SHISA6: variants seen among roughly 807,000 people sequenced by gnomAD.
SHISA6 encodes the protein protein shisa-6.
SHISA6 carries 22 observed loss-of-function variants against 47.9 expected under a neutral mutation model. The observed-to-expected ratio is 0.46, with a 90% confidence interval of 0.33 to 0.66. SHISA6 has a LOEUF of 0.66. Ranked by LOEUF, SHISA6 falls within the 30% of genes least tolerant of loss-of-function variation. The probability of loss-of-function intolerance (pLI) is 0.02; values close to 1 mark genes in which losing one functional copy is unlikely to be tolerated. For synonymous variants in SHISA6, 388 were observed against 337.8 expected (o/e 1.15, Z -1.63); for missense variants, 680 against 764.6 (o/e 0.89, Z 1.30).
rs557195651 is a variant in SHISA6, at chr17:11,330,142, C to T, written c.800-49272C>T. Among the ~76,000 whole-genome samples the T allele has an allele frequency of 1.8e-3, 276 of 152,206 alleles. 1 individual carries two copies. The highest frequency in any genetic ancestry group is 3.4e-3 in the Middle Eastern group (1 of 294). ...TTTCCTTATATTTCTAGCAAATGTT[C>T]CTGGGTTCTGGTTGACCTGTCTTGG... On this transcript the variant is annotated intron_variant, in intron 2 of 5. Coordinates refer to ENST00000441885, the MANE Select transcript of SHISA6 (RefSeq NM_207386.4).
In SHISA6 at chr17:11,434,404, C is replaced by A. The variant is rs138946658; in HGVS notation, c.895+54895C>A. ...ATCACCTGGGTTAAATATTTTTCCTCCCTAATTTTCTCACAAATCTGTGTT... is the reference window on the plus strand; with the variant it reads ...ATCACCTGGGTTAAATATTTTTCCTACCTAATTTTCTCACAAATCTGTGTT... On this transcript the variant is annotated intron_variant, in intron 3 of 5. Transcript: ENST00000441885. Among the ~76,000 whole-genome samples, 676 of 152,280 alleles carry A rather than the reference C, an allele frequency of 4.4e-3. 8 individuals are homozygous for A. Among genetic ancestry groups the A allele is most frequent in the African/African-American group, 0.016 (645 of 41,564 alleles).
At chr17:11,513,178 T>C (rs917632668) in intron 3 of SHISA6, among the ~76,000 whole-genome samples, 1 of 140,054 alleles carries the variant, frequency 7.1e-6, no homozygotes, top group South Asian at 2.3e-4. Context: ...TTTATATATG[T>C]TTATTACACA....
chr17:11,534,365 C>T (rs1300421456), intron 3 of SHISA6, among the ~76,000 whole-genome samples: 2 of 151,974 alleles, frequency 1.3e-5, no homozygotes, highest in African/African-American at 2.4e-5. Flanking sequence ...GAGCAAGTTG[C>T]ACTGTGTCAG....
At chr17:11,475,387 TATC>T (rs1916027122) in intron 3 of SHISA6, among the ~76,000 whole-genome samples, 1 of 152,150 alleles carries the variant, frequency 6.6e-6, no homozygotes. Flanking sequence ...TTAAGTTTCT[TATC>T]ATTGAATGTG....
intron 2 of SHISA6, among the ~76,000 whole-genome samples, chr17:11,324,069 A>G (rs975475799): frequency 3.3e-5 from 5 of 152,136 alleles, no homozygotes; most frequent in Non-Finnish European, 5.9e-5. Flanking sequence ...TATTTCACGG[A>G]AGTGACAACC....
chr17:11,352,807 G>C (rs1911933372), intron 2 of SHISA6, among the ~76,000 whole-genome samples: 1 of 152,232 alleles, frequency 6.6e-6, no homozygotes, highest in East Asian at 1.9e-4. Context: ...AAACAGAATG[G>C]CCCCCCTTTT....
chr17:11,489,334 A>C (rs1422785756), intron 3 of SHISA6, among the ~76,000 whole-genome samples: 1 of 151,754 alleles, frequency 6.6e-6, no homozygotes, highest in African/African-American at 2.4e-5. Flanking sequence ...ATTTTTTGCA[A>C]ATCTCCCAAT....
chr17:11,305,113 T>C (rs113282284), intron 2 of SHISA6, among the ~76,000 whole-genome samples: 91 of 152,302 alleles, frequency 6.0e-4, no homozygotes, highest in African/African-American at 2.2e-3. Flanking sequence ...CACCTGCTGG[T>C]GGTGTGCCCT....
rs570626981 is a variant in SHISA6, at chr17:11,450,413, T to C, written c.895+70904T>C. Among the ~76,000 whole-genome samples the C allele has an allele frequency of 4.6e-4, 70 of 152,018 alleles. 1 individual carries two copies. In the South Asian group the frequency reaches 6.0e-3, roughly 13 times the overall value. On this transcript the variant is annotated intron_variant, in intron 3 of 5. Transcript: ENST00000441885. ...GGCTCACGCCTGTAATCCGGGCACT[T>C]TGGGAGGCCGAGGTGGGCGGATCAC...
At chr17:11,397,896 C>A (rs945027451) in intron 3 of SHISA6, among the ~76,000 whole-genome samples, 3 of 152,118 alleles carry the variant, frequency 2.0e-5, no homozygotes, top group African/African-American at 7.2e-5. Context: ...AGAGCCCCCC[C>A]TTAGGCATCT....
At chr17:11,358,812 C>T (rs771940168) in intron 2 of SHISA6, among the ~76,000 whole-genome samples, 1 of 151,934 alleles carries the variant, frequency 6.6e-6, no homozygotes, top group African/African-American at 2.4e-5. Flanking sequence ...GCTGGGACTA[C>T]AGATGCCTGG....
intron 3 of SHISA6, among the ~76,000 whole-genome samples, chr17:11,442,690 G>A (rs958156471): frequency 2.6e-5 from 4 of 152,166 alleles, no homozygotes; most frequent in Non-Finnish European, 5.9e-5. Context: ...AGATTCCAGT[G>A]ATCTAAGTTT....
intron 2 of SHISA6, among the ~76,000 whole-genome samples, chr17:11,316,421 T>TC (rs1910524221): frequency 3.1e-5 from 1 of 32,662 alleles, no homozygotes; most frequent in African/African-American, 1.5e-4. Flanking sequence ...CTCTCTCTCT[T>TC]TTTTTTTTTT....
At chr17:11,283,750 C>G (rs188753452) in intron 2 of SHISA6, among the ~76,000 whole-genome samples, 1 of 152,250 alleles carries the variant, frequency 6.6e-6, no homozygotes, top group Non-Finnish European at 1.5e-5. Flanking sequence ...AAGTAAGGTG[C>G]AGTTTTGGAT....
chr17:11,408,936 T>C (rs971710996), intron 3 of SHISA6, among the ~76,000 whole-genome samples: 3 of 151,950 alleles, frequency 2.0e-5, no homozygotes, highest in African/African-American at 7.3e-5. Context: ...GGAGCTTTGG[T>C]CAAATTCAAA....
chr17:11,413,036 A>G (rs1362906343), intron 3 of SHISA6, among the ~76,000 whole-genome samples: 1 of 151,850 alleles, frequency 6.6e-6, no homozygotes, highest in African/African-American at 2.4e-5. Context: ...TGACTTTGCT[A>G]CTCCTCACAC....
intron 3 of SHISA6, among the ~76,000 whole-genome samples, chr17:11,424,752 C>T (rs1036834909): frequency 6.6e-6 from 1 of 151,586 alleles, no homozygotes; most frequent in Non-Finnish European, 1.5e-5. Context: ...GCCTGTAATC[C>T]CAGCACTTTG....
chr17:11,248,719 CTAAGCATAATCCTTTTA>C (rs1567698772), intron 1 of SHISA6, among the ~76,000 whole-genome samples: 1 of 152,164 alleles, frequency 6.6e-6, no homozygotes, highest in African/African-American at 2.4e-5. Context: ...ATAACCTAAT[CTAAGCATAATCCTTTTA>C]TAAGGTCTGA....
intron 5 of SHISA6, among the ~76,000 whole-genome samples, chr17:11,556,689 C>T (rs1190317095): frequency 6.6e-6 from 1 of 152,150 alleles, no homozygotes; most frequent in Non-Finnish European, 1.5e-5. Flanking sequence ...GAGTCTCTAG[C>T]TAGAGACGGG....
Sources: allele counts gnomAD v4.1 joint callset (sites outside exome capture counted in the v4.1 genomes callset), GRCh38; gene constraint gnomAD v4.1.1; transcripts MANE v1.5; gene names NCBI Gene and HGNC (gene_info 2026-07-23, HGNC 2026-07-21).